The following UNC5D variants were observed in gnomAD, a reference collection of about 807,000 sequenced individuals.
UNC5D encodes netrin receptor UNC5D.
UNC5D carries 39 observed loss-of-function variants against 105.4 expected under a neutral mutation model. The ratio of observed to expected loss-of-function variants is 0.37; its 90% CI spans 0.29 to 0.48. The LOEUF (loss-of-function observed/expected upper bound fraction) is 0.48. Ranked by LOEUF, UNC5D falls within the 20% of genes least tolerant of loss-of-function variation. UNC5D has a pLI of 0.98. For missense variants in UNC5D, 991 were observed against 1,202.4 expected (o/e 0.82, Z 2.60); for synonymous variants, 452 against 450.4 (o/e 1.00, Z -0.04).
chr8:35,552,778 GT>G (rs1487648834), intron 2 of UNC5D, among the ~76,000 whole-genome samples: 2 of 152,170 alleles, frequency 1.3e-5, no homozygotes, highest in East Asian at 3.9e-4. Flanking sequence ...GAGAGGCCTG[GT>G]GCTGGGAGAG....
rs192730615 is a variant in UNC5D at position 35,332,541 on chromosome 8, T to C, written c.103+96654T>C. Among the ~76,000 whole-genome samples the C allele has an allele frequency of 1.1e-4, 16 of 152,354 alleles. No individual in the cohort carries two copies. The East Asian group carries it at 2.9e-3, about 28-fold the overall frequency. On this transcript the variant is annotated intron_variant, in intron 1 of 16. Transcript: ENST00000404895. ...TTGCTTTAGTTGCTACAGTTAAATA[T>C]GTTGAGTTCTGATGGTCAGACCATG... is the stretch of plus-strand genomic sequence containing the variant.
rs536840139 is a variant in UNC5D, at chr8:35,247,196, C to A, written c.103+11309C>A. The stretch of plus-strand genomic sequence containing the variant: ...TACCAGAAGACTAAAGACTATTGAT[C>A]ATTTTACCCTTCTGTTAAAGGATGT... On this transcript the variant is annotated intron_variant, in intron 1 of 16. Transcript: ENST00000404895. 7.9e-5 allele frequency among the ~76,000 whole-genome samples: 12 copies of A among 151,644 alleles called. No individual in the cohort carries two copies. The East Asian group carries it at 2.3e-3, about 29-fold the overall frequency.
At chr8:35,302,826 A>T (rs1161553922) in intron 1 of UNC5D, among the ~76,000 whole-genome samples, 1 of 152,188 alleles carries the variant, frequency 6.6e-6, no homozygotes, top group Non-Finnish European at 1.5e-5. Context: ...AAAAGTGACC[A>T]CTAATACTTT....
At chr8:35,250,565 G>A (rs1168432965) in intron 1 of UNC5D, among the ~76,000 whole-genome samples, 1 of 152,072 alleles carries the variant, frequency 6.6e-6, no homozygotes, top group Non-Finnish European at 1.5e-5. Flanking sequence ...CACGATCTCG[G>A]CTCACCGCAA....
chr8:35,472,486 G>A (rs955918845), intron 1 of UNC5D, among the ~76,000 whole-genome samples: 3 of 152,110 alleles, frequency 2.0e-5, no homozygotes, highest in Non-Finnish European at 4.4e-5. Flanking sequence ...TTGATGCTGA[G>A]TGCCCTGGTA....
intron 1 of UNC5D, among the ~76,000 whole-genome samples, chr8:35,259,780 CATGTAGAAGACATATCCT>C (rs1804324048): frequency 6.8e-6 from 1 of 148,004 alleles, no homozygotes; most frequent in Non-Finnish European, 1.5e-5. Context: ...GTAATGAAAA[CATGTAGAAGACATATCCT>C]GCGGGCCAGT....
chr8:35,396,687 G>C (rs755958405), intron 1 of UNC5D, among the ~76,000 whole-genome samples: 1 of 151,812 alleles, frequency 6.6e-6, no homozygotes, highest in Admixed American at 6.6e-5. Context: ...CAGTAGAGAC[G>C]GGGTTTCACC....
intron 2 of UNC5D, among the ~76,000 whole-genome samples, chr8:35,562,159 A>G (rs947029762): frequency 9.2e-5 from 14 of 152,178 alleles, no homozygotes; most frequent in African/African-American, 3.4e-4. Flanking sequence ...CACTTAACAT[A>G]TGACCTCCAG....
rs139510787 is a variant in UNC5D at position 35,643,364 on chromosome 8, T to C, written c.571-40183T>C. On this transcript the variant is annotated intron_variant, in intron 4 of 16. Transcript: ENST00000404895. Reference sequence around the variant, plus strand: ...CATCTCTGTTTTAAAAGCTCTGCAATTGAGATTTTTTTGGTGATCTCGGCT... The same window carrying C: ...CATCTCTGTTTTAAAAGCTCTGCAACTGAGATTTTTTTGGTGATCTCGGCT... Among the ~76,000 whole-genome samples the C allele has an allele frequency of 3.0e-3, 460 of 152,206 alleles. 2 individuals carry two copies. Among genetic ancestry groups the C allele is most frequent in the African/African-American group, 9.5e-3 (394 of 41,550 alleles).
intron 7 of UNC5D, among the ~76,000 whole-genome samples, chr8:35,701,005 CT>C (rs1827160782): frequency 6.6e-6 from 1 of 152,098 alleles, no homozygotes; most frequent in African/African-American, 2.4e-5. Flanking sequence ...TAACACATAT[CT>C]TTTTGGGGGT....
chr8:35,727,462 A>C (rs1468252744), intron 10 of UNC5D: 1 of 152,186 alleles, frequency 6.6e-6, no homozygotes, highest in African/African-American at 2.4e-5. Flanking sequence ...CGAGCATTTC[A>C]TTCCATAAAT....
At chr8:35,276,967 CAGA>C (rs1805817789) in intron 1 of UNC5D, among the ~76,000 whole-genome samples, 2 of 152,120 alleles carry the variant, frequency 1.3e-5, no homozygotes, top group African/African-American at 4.8e-5. Context: ...ACTGAGGCTC[CAGA>C]AGAAGGTCTT....
intron 13 of UNC5D, among the ~76,000 whole-genome samples, chr8:35,758,210 T>G (rs1830599922): frequency 6.6e-6 from 1 of 152,232 alleles, no homozygotes; most frequent in African/African-American, 2.4e-5. Context: ...CTTGGGTGAC[T>G]TTTTAGTCAA....
intron 4 of UNC5D, among the ~76,000 whole-genome samples, chr8:35,660,736 C>T (rs1011722584): frequency 1.3e-5 from 2 of 152,168 alleles, no homozygotes; most frequent in Non-Finnish European, 2.9e-5. Context: ...TAGAGTCCCT[C>T]CCCTTGGGGT....
intron 4 of UNC5D, among the ~76,000 whole-genome samples, chr8:35,650,591 C>G (rs1206434766): frequency 6.6e-6 from 1 of 152,154 alleles, no homozygotes; most frequent in African/African-American, 2.4e-5. Context: ...CCTCAGCCTC[C>G]TGAGTAGCTG....
intron 1 of UNC5D, among the ~76,000 whole-genome samples, chr8:35,242,075 C>T (rs6997107): frequency 0.053 from 8,005 of 152,132 alleles, 265 homozygotes; most frequent in African/African-American, 0.089. Context: ...TGACTTTCTG[C>T]CCCCAAATTA....
At chr8:35,635,427 C>T (rs756165465) in intron 4 of UNC5D, among the ~76,000 whole-genome samples, 1 of 152,150 alleles carries the variant, frequency 6.6e-6, no homozygotes, top group Admixed American at 6.5e-5. Flanking sequence ...TGTCACTTGT[C>T]CAAGGTCTAC....
intron 1 of UNC5D, among the ~76,000 whole-genome samples, chr8:35,459,619 A>G (rs1390389597): frequency 6.6e-6 from 1 of 152,198 alleles, no homozygotes; most frequent in Admixed American, 6.5e-5. Flanking sequence ...TGCAATTTCT[A>G]GCACATTCTT....
chr8:35,366,080 A>AC, intron 1 of UNC5D, among the ~76,000 whole-genome samples: 1 of 152,142 alleles, frequency 6.6e-6, no homozygotes, highest in South Asian at 2.1e-4. Flanking sequence ...GCAGAGTGGG[A>AC]AAGAGAGGAA....
Sources: gnomAD v4.1 joint callset for allele counts (sites outside exome capture counted in the v4.1 genomes callset) on GRCh38, gnomAD v4.1.1 for gene constraint, MANE v1.5 for transcripts, NCBI Gene and HGNC (gene_info 2026-07-23, HGNC 2026-07-21) for gene names.